CSMD1: variants seen among roughly 807,000 people sequenced by gnomAD.
The protein encoded by CSMD1 is CUB and Sushi multiple domains 1, also known as CUB and sushi domain-containing protein 1.
CSMD1 carries 213 observed loss-of-function variants against 417.5 expected under a neutral mutation model. The ratio of observed to expected loss-of-function variants is 0.51; its 90% confidence interval spans 0.46 to 0.57. CSMD1 has a LOEUF of 0.57. CSMD1 is among the 20% of genes least tolerant of loss of function. The pLI, the probability that CSMD1 is intolerant of heterozygous loss-of-function variation, is 0.00. For synonymous variants in CSMD1, 2,862 were observed against 1,736.8 expected (o/e 1.65, Z -16.11); for missense variants, 6,923 against 4,529.7 (o/e 1.53, Z -15.17).
intron 1 of CSMD1, among the ~76,000 whole-genome samples, chr8:4,894,031 GATTT>G (rs1395590234): frequency 7.3e-6 from 1 of 137,816 alleles, no homozygotes; most frequent in South Asian, 2.9e-4. Flanking sequence ...TTTTCTCTTT[GATTT>G]ATTTTGTTTA....
chr8:3,112,093 G>A (rs1816555911), intron 42 of CSMD1, among the ~76,000 whole-genome samples: 1 of 151,934 alleles, frequency 6.6e-6, no homozygotes, highest in African/African-American at 2.4e-5. Context: ...CCACGAGACT[G>A]TCAGCCTCTA....
chr8:4,192,592 T>G (rs752237752), intron 3 of CSMD1, among the ~76,000 whole-genome samples: 57 of 152,232 alleles, frequency 3.7e-4, no homozygotes, highest in Non-Finnish European at 2.5e-4. Flanking sequence ...TCATCAGCTT[T>G]GCCCTATAAT....
chr8:4,116,817 A>T (rs7812872), intron 3 of CSMD1, among the ~76,000 whole-genome samples: 150,265 of 151,912 alleles, frequency 0.99, 74,347 homozygotes, highest in East Asian at 1. Flanking sequence ...ACTCTAAAAA[A>T]TAGGGTCTAT....
At chr8:4,350,029 C>T (rs758212450) in intron 3 of CSMD1, among the ~76,000 whole-genome samples, 1 of 152,082 alleles carries the variant, frequency 6.6e-6, no homozygotes, top group Non-Finnish European at 1.5e-5. Flanking sequence ...TTTTCCTTGA[C>T]TAAAGAGGCT....
At chr8:3,244,373 T>G (rs1243495601) in intron 26 of CSMD1, among the ~76,000 whole-genome samples, 1 of 152,176 alleles carries the variant, frequency 6.6e-6, no homozygotes, top group Non-Finnish European at 1.5e-5. Flanking sequence ...ACCTAGGACG[T>G]GTCCTCCCCC....
chr8:4,246,358 T>G (rs962679892), intron 3 of CSMD1, among the ~76,000 whole-genome samples: 2 of 152,148 alleles, frequency 1.3e-5, no homozygotes, highest in African/African-American at 4.8e-5. Context: ...CGGTCAGTCC[T>G]TAGAAGAGTA....
At chr8:4,873,103 C>A (rs1282640345) in intron 1 of CSMD1, among the ~76,000 whole-genome samples, 1 of 151,716 alleles carries the variant, frequency 6.6e-6, no homozygotes, top group Non-Finnish European at 1.5e-5. Flanking sequence ...ACATGGTTAC[C>A]AAAATGAAGG....
At chr8:4,912,411 A>G (rs973923292) in intron 1 of CSMD1, among the ~76,000 whole-genome samples, 8 of 151,086 alleles carry the variant, frequency 5.3e-5, no homozygotes, top group African/African-American at 1.9e-4. Context: ...GGTTGTCTAG[A>G]TCAATGCCAT....
chr8:4,737,089 G>T (rs966418329), intron 1 of CSMD1, among the ~76,000 whole-genome samples: 1 of 152,094 alleles, frequency 6.6e-6, no homozygotes, highest in African/African-American at 2.4e-5. Context: ...CAACCTACAT[G>T]CCCATCAATG....
At chr8:3,994,093 C>G (rs1050888966) in intron 5 of CSMD1, among the ~76,000 whole-genome samples, 1 of 152,190 alleles carries the variant, frequency 6.6e-6, no homozygotes, top group African/African-American at 2.4e-5. Context: ...GGCTCTGTCT[C>G]AGGGAGCTGA....
intron 5 of CSMD1, among the ~76,000 whole-genome samples, chr8:3,811,826 G>A (rs1448411349): frequency 1.3e-5 from 2 of 152,162 alleles, no homozygotes; most frequent in East Asian, 3.9e-4. Context: ...CTTTAAGGGT[G>A]TTCATCTCCA....
intron 15 of CSMD1, among the ~76,000 whole-genome samples, chr8:3,404,884 T>G (rs1249591083): frequency 6.6e-6 from 1 of 152,206 alleles, no homozygotes; most frequent in Non-Finnish European, 1.5e-5. Flanking sequence ...AGTCCTCTGC[T>G]GTTTGAAGCT....
chr8:4,091,351 T>G (rs532430992), intron 3 of CSMD1, among the ~76,000 whole-genome samples: 3 of 152,206 alleles, frequency 2.0e-5, no homozygotes, highest in Non-Finnish European at 2.9e-5. Flanking sequence ...ATCATTGAAT[T>G]TGAAATGTCC....
At chr8:4,241,351 T>A (rs1802385627) in intron 3 of CSMD1, among the ~76,000 whole-genome samples, 1 of 152,242 alleles carries the variant, frequency 6.6e-6, no homozygotes, top group South Asian at 2.1e-4. Context: ...CCTTCAGTTC[T>A]CACCTTCGAG....
intron 11 of CSMD1, among the ~76,000 whole-genome samples, chr8:3,484,692 T>C (rs564768035): frequency 1.3e-5 from 2 of 152,336 alleles, no homozygotes; most frequent in African/African-American, 2.4e-5. Flanking sequence ...CCATGTATTC[T>C]ACAAAGCACT....
rs982676777 is a variant in CSMD1 at position 4,513,708 on chromosome 8, A to C, written c.303-93643T>G. Among the ~76,000 whole-genome samples, 9 of 152,226 alleles carry C rather than the reference A, an allele frequency of 5.9e-5. No individual in the cohort carries two copies. In the South Asian group the frequency reaches 6.2e-4, roughly 11 times the overall value. On this transcript the variant is annotated intron_variant, in intron 2 of 69. Coordinates refer to ENST00000635120, the MANE Select transcript of CSMD1 (RefSeq NM_033225.6). ...AATTTCATTTTCTGGGGGACTTTAA[A>C]GTCCACAGATACACACACATAAACT...
intron 4 of CSMD1, among the ~76,000 whole-genome samples, chr8:4,024,469 G>C (rs1241182970): frequency 6.6e-6 from 1 of 152,200 alleles, no homozygotes; most frequent in Non-Finnish European, 1.5e-5. Flanking sequence ...TGTTAGTAAA[G>C]TTGGGATGAG....
intron 10 of CSMD1, among the ~76,000 whole-genome samples, chr8:3,540,615 A>ATT (rs1798397184): frequency 6.6e-6 from 1 of 152,160 alleles, no homozygotes. Context: ...ATGGGAGAAA[A>ATT]TTTTTGCAAT....
intron 2 of CSMD1, among the ~76,000 whole-genome samples, chr8:4,464,318 C>A (rs1224940598): frequency 6.6e-6 from 1 of 152,154 alleles, no homozygotes; most frequent in African/African-American, 2.4e-5. Flanking sequence ...CGCTCTTCAA[C>A]TTACAGTGCG....
Sources: allele counts gnomAD v4.1 joint callset (sites outside exome capture counted in the v4.1 genomes callset), GRCh38; gene constraint gnomAD v4.1.1; transcripts MANE v1.5; gene names NCBI Gene and HGNC (gene_info 2026-07-23, HGNC 2026-07-21).